PRIMPOL: variants seen among roughly 807,000 people sequenced by gnomAD.
The protein encoded by PRIMPOL is DNA-directed primase/polymerase protein.
A neutral mutation model predicts 63.6 loss-of-function variants in PRIMPOL; 54 were observed. That is an observed-to-expected ratio of 0.85 (90% CI 0.68 to 1.07). PRIMPOL has a LOEUF of 1.07. Ranked by LOEUF, PRIMPOL falls within the 50% of genes least tolerant of loss-of-function variation. The pLI, the probability that PRIMPOL is intolerant of heterozygous loss-of-function variation, is 0.00. For missense variants in PRIMPOL, 610 were observed against 648.3 expected (o/e 0.94, Z 0.64); for synonymous variants, 197 against 220.2 (o/e 0.89, Z 0.93).
intron 2 of PRIMPOL, among the ~76,000 whole-genome samples, chr4:184,652,494 AAGC>A (rs1411851503): frequency 6.6e-6 from 1 of 152,182 alleles, no homozygotes; most frequent in Non-Finnish European, 1.5e-5. Context: ...ACTTCTGCTC[AAGC>A]ATAGAAAGGC....
At chr4:184,681,577 A>G (rs751021100) in intron 8 of PRIMPOL, among the ~76,000 whole-genome samples, 2 of 150,622 alleles carry the variant, frequency 1.3e-5, no homozygotes, top group Admixed American at 1.3e-4. Context: ...ATTTTCACTT[A>G]TTTACTTATT....
chr4:184,667,557 G>A (rs142673191), intron 6 of PRIMPOL, among the ~76,000 whole-genome samples: 717 of 152,214 alleles, frequency 4.7e-3, no homozygotes, highest in South Asian at 0.01. Context: ...TGATCTGCCC[G>A]CCTTGGCCTC....
intron 7 of PRIMPOL, among the ~76,000 whole-genome samples, chr4:184,673,135 C>T (rs202051141): frequency 2.7e-4 from 38 of 141,962 alleles, no homozygotes; most frequent in Admixed American, 1.4e-4. Context: ...TTTTCTTTTT[C>T]TTTTTTTTTT....
chr4:184,657,219 G>A lies in PRIMPOL; in HGVS notation c.79G>A (p.Val27Met), dbSNP rs567564050. 188 of 1,613,926 alleles carry A rather than the reference G, an allele frequency of 1.2e-4. No individual in the cohort carries two copies. The highest frequency in any genetic ancestry group is 1.5e-4 in the Non-Finnish European group (177 of 1,179,930). ...SHYERKPLSSVYRPRLSKPEE... is the reference protein window; with the variant it reads ...SHYERKPLSSMYRPRLSKPEE... ...TTATGAGAGGAAACCGTTGTCCTCA[G>A]TGTATAGACCAAGATTGTCCAAGCC... Residue 27 changes from valine to methionine, a missense_variant, in exon 3 of 14, where the codon GTG becomes ATG. Coordinates refer to ENST00000314970, the MANE Select transcript of PRIMPOL (RefSeq NM_152683.4).
At chr4:184,657,706 A>G (rs539315044) in intron 3 of PRIMPOL, 1 of 158,778 alleles carries the variant, frequency 6.3e-6, no homozygotes, top group South Asian at 1.8e-4. Flanking sequence ...AAAAATAAAA[A>G]TCACTGGCCG....
intron 1 of PRIMPOL, among the ~76,000 whole-genome samples, chr4:184,650,244 A>C (rs1258205218): frequency 6.6e-6 from 1 of 152,248 alleles, no homozygotes; most frequent in Non-Finnish European, 1.5e-5. Flanking sequence ...CCCACAACAA[A>C]GTAGCATTTA....
intron 1 of PRIMPOL, among the ~76,000 whole-genome samples, chr4:184,650,491 A>T (rs1579226619): frequency 6.6e-6 from 1 of 151,990 alleles, no homozygotes; most frequent in African/African-American, 2.4e-5. Context: ...GATGCGGACT[A>T]TTTTTTTATT....
At position 184,666,032 on chromosome 4, in the gene PRIMPOL, A is replaced by G. The variant is rs142728685; in HGVS notation, c.524A>G (p.His175Arg). 23 of 1,607,478 alleles carry G rather than the reference A, an allele frequency of 1.4e-5. No homozygotes were observed. In the African/African-American group the frequency reaches 2.9e-4, roughly 21 times the overall value. The change falls in exon 6 of 14, where the codon CAT (histidine) becomes CGT (arginine). Residue 175 changes from histidine to arginine, a missense_variant. His to Arg is a conservative substitution (Grantham distance 29). This residue lies in a region of PRIMPOL where 444 missense variants were observed against 456.4 expected (regional missense o/e 0.97). Coordinates refer to ENST00000314970, the MANE Select transcript of PRIMPOL (RefSeq NM_152683.4). ...KFSRHLIFQL[H>R]DVAFKDNIHV... ...AGCCGGCATTTAATATTTCAGCTCC[A>G]TGATGTGGCATTTAAAGATAATATT... is the stretch of plus-strand genomic sequence containing the variant.
At chr4:184,676,985 TCA>T in intron 7 of PRIMPOL, among the ~76,000 whole-genome samples, 1 of 5,312 alleles carries the variant, frequency 1.9e-4, no homozygotes, top group Admixed American at 1.5e-3. Context: ...CTTTCCCCCT[TCA>T]CTTCCCTTCT....
intron 4 of PRIMPOL, among the ~76,000 whole-genome samples, chr4:184,661,549 T>C (rs1044520335): frequency 5.3e-5 from 8 of 151,784 alleles, no homozygotes; most frequent in African/African-American, 1.9e-4. Context: ...CTACTAAAAA[T>C]GCAAAAATTA....
rs753930703 is a variant in PRIMPOL, at chr4:184,682,286, C to T, written c.1046C>T (p.Ser349Phe). 2.5e-6 allele frequency: 4 copies of T among 1,604,806 alleles called. No homozygotes were observed. The Admixed American group carries it at 5.0e-5, about 20-fold the overall frequency. Residue 349 changes from serine to phenylalanine, a missense_variant, in exon 9 of 14, where the codon TCT becomes TTT. This residue lies in a region of PRIMPOL where 444 missense variants were observed against 456.4 expected (regional missense o/e 0.97). Coordinates refer to ENST00000314970, the MANE Select transcript of PRIMPOL (RefSeq NM_152683.4). ...TTACGAATTCTTACATGTGAGCCATCTCAGAATAAACAAAAAGGAGTTGGA... is the reference window on the plus strand; with the variant it reads ...TTACGAATTCTTACATGTGAGCCATTTCAGAATAAACAAAAAGGAGTTGGA... ...DTLRILTCEP[S>F]QNKQKGVGYF...
At chr4:184,666,111 A>G (rs1230952240) in intron 6 of PRIMPOL, 47 bp downstream of exon 6, 9 of 1,414,574 alleles carry the variant, frequency 6.4e-6, no homozygotes, top group East Asian at 4.7e-5. Flanking sequence ...TTCAAAACTC[A>G]TATGTTCTTA....
rs33965552 is a variant in PRIMPOL at position 184,653,310 on chromosome 4, TAG to T, written c.-60+1211_-60+1212del. Among the ~76,000 whole-genome samples, 739 of 152,290 alleles carry T rather than the reference TAG, an allele frequency of 4.9e-3. 8 individuals are homozygous for T. Among genetic ancestry groups the T allele is most frequent in the African/African-American group, 0.017 (719 of 41,548 alleles). ...TAAACGCAGGGAAGCTGGGGCTACT[TAG>T]GTCTGCGTCATCTCTCCCCTTCCAT... On this transcript the variant is annotated intron_variant, in intron 2 of 13. Coordinates refer to ENST00000314970, the MANE Select transcript of PRIMPOL (RefSeq NM_152683.4).
intron 11 of PRIMPOL, among the ~76,000 whole-genome samples, chr4:184,688,380 A>G (rs1390511790): frequency 2.0e-5 from 3 of 152,274 alleles, no homozygotes; most frequent in African/African-American, 7.2e-5. Context: ...ATGTAAAACA[A>G]TATTGTAGTT....
chr4:184,676,423 TCCCTTCC>T (rs1753483246), intron 7 of PRIMPOL, among the ~76,000 whole-genome samples: 1 of 76,546 alleles, frequency 1.3e-5, no homozygotes, highest in Non-Finnish European at 2.4e-5. Flanking sequence ...CCTTCCCTTC[TCCCTTCC>T]CCCTTCCCTT....
intron 1 of PRIMPOL, among the ~76,000 whole-genome samples, chr4:184,650,626 C>G (rs1744036973): frequency 6.6e-6 from 1 of 152,216 alleles, no homozygotes; most frequent in Admixed American, 6.5e-5. Flanking sequence ...CCCTACCGAT[C>G]CCCTTCCTAT....
intron 1 of PRIMPOL, among the ~76,000 whole-genome samples, chr4:184,651,041 G>A (rs1292097197): frequency 6.6e-6 from 1 of 152,078 alleles, no homozygotes; most frequent in Non-Finnish European, 1.5e-5. Context: ...TGTAATCCCA[G>A]GACTTTGGGA....
chr4:184,651,341 G>C (rs1191231025), intron 1 of PRIMPOL, among the ~76,000 whole-genome samples: 2 of 152,034 alleles, frequency 1.3e-5, no homozygotes, highest in African/African-American at 4.8e-5. Context: ...TAAAAAGACA[G>C]TCACAGGAGT....
At chr4:184,693,282 C>A (rs896583149) in intron 13 of PRIMPOL, among the ~76,000 whole-genome samples, 1 of 152,142 alleles carries the variant, frequency 6.6e-6, no homozygotes, top group Non-Finnish European at 1.5e-5. Flanking sequence ...AAAAAATAAA[C>A]TGTCTCCAAG....
Sources: allele counts gnomAD v4.1 joint callset (sites outside exome capture counted in the v4.1 genomes callset), GRCh38; gene constraint gnomAD v4.1.1; regional missense constraint gnomAD v4.1.1; transcripts MANE v1.5; gene names NCBI Gene and HGNC (gene_info 2026-07-23, HGNC 2026-07-21).